Variants in BNC2 observed in about 807,000 individuals in gnomAD.
BNC2 encodes zinc finger protein basonuclin-2.
A neutral mutation model predicts 76.3 loss-of-function variants in BNC2; 20 were observed. The ratio of observed to expected loss-of-function variants is 0.26; its 90% CI spans 0.18 to 0.38. The LOEUF is 0.38. BNC2 is among the 10% of genes least tolerant of loss of function. BNC2 has a pLI of 1.00. For missense variants in BNC2, 1,382 were observed against 1,399.8 expected (o/e 0.99, Z 0.20); for synonymous variants, 582 against 514.8 (o/e 1.13, Z -1.77).
Position 16,437,033 on chromosome 9 carries a change from C to T in BNC2, c.1161G>A (p.Leu387=), listed in dbSNP as rs745709584. ...KNDQTPNRNA[L]TSITNVEPKT... is the part of the protein sequence containing the mutation. The stretch of plus-strand genomic sequence containing the variant: ...TGGGCTCCACATTAGTAATGCTGGT[C>T]AGGGCATTTCTATTGGGTGTTTGAT... The change falls in exon 6 of 7, where the codon CTG becomes CTA. Residue 387 remains leucine (L), a synonymous_variant. Transcript: ENST00000380672. 17 of 1,613,892 alleles carry T rather than the reference C, an allele frequency of 1.1e-5. No homozygotes were observed. Among genetic ancestry groups the T allele is most frequent in the Non-Finnish European group, 1.4e-5 (17 of 1,180,024 alleles).
At position 16,705,334 on chromosome 9, in the gene BNC2, C is replaced by T. The variant is rs531246399; in HGVS notation, c.330+22463G>A. 2.1e-3 allele frequency among the ~76,000 whole-genome samples: 319 copies of T among 152,332 alleles called. 1 individual carries two copies. The highest frequency in any genetic ancestry group is 3.9e-3 in the Non-Finnish European group (263 of 68,012). ...CCAAGGAACCGCTTTTTTGGCCGCG[C>T]TGGGCCAGCTTTGACGGGAAAGGAG... is the stretch of plus-strand genomic sequence containing the variant. On this transcript the variant is annotated intron_variant, in intron 3 of 6. Coordinates refer to ENST00000380672, the MANE Select transcript of BNC2 (RefSeq NM_017637.6).
At position 16,436,101 on chromosome 9, in the gene BNC2, C is replaced by A; in HGVS notation, c.2093G>T (p.Arg698Leu). The A allele has an allele frequency of 6.2e-7, 1 of 1,614,134 alleles. No homozygotes were observed. The highest frequency in any genetic ancestry group is 1.3e-5 in the African/African-American group (1 of 75,028). Residue 698 changes from arginine to leucine, a missense_variant, in exon 6 of 7, where the codon CGG becomes CTG. Physicochemically the swap from Arg to Leu is moderately radical, Grantham distance 102. This residue lies in a region of BNC2 where 798 missense variants were observed against 775.5 expected (regional missense o/e 1.03). Transcript: ENST00000380672. ...CCTTATTTCAGTCCTTGAAATGCAC[C>A]GGGTCCTGTTATGCTTAGAAAAGTC... Reference protein sequence around the residue: ...VKDFSKHNRTRCISRTEIRRA... With the variant: ...VKDFSKHNRTLCISRTEIRRA...
chr9:16,563,779 C>T (rs965170098), intron 4 of BNC2, among the ~76,000 whole-genome samples: 3 of 152,130 alleles, frequency 2.0e-5, no homozygotes, highest in African/African-American at 7.2e-5. Flanking sequence ...AAGTACTATT[C>T]ATCCATGGAT....
chr9:16,623,517 G>GC (rs1184281303), intron 3 of BNC2, among the ~76,000 whole-genome samples: 3 of 152,172 alleles, frequency 2.0e-5, no homozygotes, highest in African/African-American at 7.2e-5. Context: ...AAAACCATCA[G>GC]AATGGCTTAA....
intron 5 of BNC2, among the ~76,000 whole-genome samples, chr9:16,507,613 G>C (rs374773150): frequency 6.6e-6 from 1 of 152,220 alleles, no homozygotes; most frequent in East Asian, 1.9e-4. Flanking sequence ...ATTTTTAGTA[G>C]AGACAGGGTT....
chr9:16,569,984 C>G (rs1819274699), intron 4 of BNC2, among the ~76,000 whole-genome samples: 1 of 152,138 alleles, frequency 6.6e-6, no homozygotes, highest in African/African-American at 2.4e-5. Flanking sequence ...TTAAAAGTAA[C>G]TATTGAGATT....
At chr9:16,844,660 G>A (rs560565438) in intron 1 of BNC2, among the ~76,000 whole-genome samples, 13 of 151,894 alleles carry the variant, frequency 8.6e-5, no homozygotes, top group South Asian at 4.2e-4. Flanking sequence ...CACCACGCCC[G>A]GCTAATTTTT....
At chr9:16,696,628 T>C (rs10733316) in intron 3 of BNC2, among the ~76,000 whole-genome samples, 91,294 of 152,056 alleles carry the variant, frequency 0.6, 31,201 homozygotes, top group Non-Finnish European at 0.79. Context: ...TATTTCCCAA[T>C]AGCACTTGCC....
At chr9:16,501,569 G>A (rs1470060145) in intron 5 of BNC2, among the ~76,000 whole-genome samples, 1 of 152,082 alleles carries the variant, frequency 6.6e-6, no homozygotes, top group Non-Finnish European at 1.5e-5. Context: ...CTCTTGCAGA[G>A]CCTAATACAT....
At chr9:16,819,749 G>A (rs370661799) in intron 1 of BNC2, among the ~76,000 whole-genome samples, 1 of 151,988 alleles carries the variant, frequency 6.6e-6, no homozygotes, top group Non-Finnish European at 1.5e-5. Flanking sequence ...ATGCCAGTAG[G>A]TACCCATACC....
intron 3 of BNC2, among the ~76,000 whole-genome samples, chr9:16,587,952 T>G (rs553286491): frequency 6.6e-6 from 1 of 152,326 alleles, no homozygotes; most frequent in African/African-American, 2.4e-5. Context: ...TTATATTTAT[T>G]GGTGTGATTA....
chr9:16,522,901 G>C (rs1817663121), intron 5 of BNC2, among the ~76,000 whole-genome samples: 2 of 152,052 alleles, frequency 1.3e-5, no homozygotes, highest in South Asian at 4.1e-4. Context: ...AAAGTATAAA[G>C]TCATCTATCA....
chr9:16,829,918 C>T (rs1818542324), intron 1 of BNC2, among the ~76,000 whole-genome samples: 1 of 152,130 alleles, frequency 6.6e-6, no homozygotes, highest in African/African-American at 2.4e-5. Context: ...GGACACAAAC[C>T]ACCTACTTGT....
rs1405803207 is a variant in BNC2, at chr9:16,411,923, G to C, written c.*7066C>G. 1 of 152,206 alleles carries C rather than the reference G, an allele frequency of 6.6e-6. No individual in the cohort carries two copies. Among genetic ancestry groups the C allele is most frequent in the Non-Finnish European group, 1.5e-5 (1 of 68,042 alleles). The allele number at this position is 152,206 out of a possible 1,614,324, so 9.4% of individuals were successfully genotyped here. A position where few individuals can be genotyped will look rare whatever the true frequency, so the allele number is the denominator to read the frequency against. ...GCATGGCATCCCCTAGTCCCAGAAAGAAGACGCTTGATAGATCTTGCACTT... is the reference window on the plus strand; with the variant it reads ...GCATGGCATCCCCTAGTCCCAGAAACAAGACGCTTGATAGATCTTGCACTT... On this transcript the variant is annotated 3_prime_UTR_variant, in exon 7 of 7. Coordinates refer to ENST00000380672, the MANE Select transcript of BNC2 (RefSeq NM_017637.6).
At chr9:16,736,779 T>C (rs1025435665) in intron 2 of BNC2, among the ~76,000 whole-genome samples, 1 of 147,188 alleles carries the variant, frequency 6.8e-6, no homozygotes, top group African/African-American at 2.5e-5. Context: ...CGACCTATTG[T>C]TTTTTTTTTC....
chr9:16,552,938 C>A (rs2132542714), intron 4 of BNC2, among the ~76,000 whole-genome samples, 173 bp from the exon 5 acceptor site: 1 of 152,264 alleles, frequency 6.6e-6, no homozygotes, highest in African/African-American at 2.4e-5. Context: ...CTGACACCTC[C>A]TTTCTGTTTT....
intron 3 of BNC2, among the ~76,000 whole-genome samples, chr9:16,637,951 C>T (rs574316469): frequency 6.6e-6 from 1 of 152,222 alleles, no homozygotes; most frequent in East Asian, 1.9e-4. Context: ...AGGGAACATG[C>T]AAAAAATCAG....
chr9:16,611,180 A>G (rs1465786570), intron 3 of BNC2, among the ~76,000 whole-genome samples: 2 of 152,200 alleles, frequency 1.3e-5, no homozygotes, highest in South Asian at 2.1e-4. Context: ...TTATGTTAAT[A>G]AACTGCAGCC....
intron 1 of BNC2, 132 bp from the exon 2 acceptor site, chr9:16,738,617 A>T: frequency 9.7e-7 from 1 of 1,030,122 alleles, no homozygotes; most frequent in South Asian, 1.5e-5. Flanking sequence ...TTTAAGAGTT[A>T]ATAGTTTCTA....
Sources: gnomAD v4.1 joint callset for allele counts (sites outside exome capture counted in the v4.1 genomes callset) on GRCh38, gnomAD v4.1.1 for gene constraint, gnomAD v4.1.1 regional missense constraint, MANE v1.5 for transcripts, NCBI Gene and HGNC (gene_info 2026-07-23, HGNC 2026-07-21) for gene names.